CDH13: variants seen among roughly 807,000 people sequenced by gnomAD.
The protein encoded by CDH13 is cadherin-13.
CDH13 carries 24 observed loss-of-function variants against 63.8 expected under a neutral mutation model. The ratio of observed to expected loss-of-function variants is 0.38; its 90% CI spans 0.27 to 0.53. The LOEUF (loss-of-function observed/expected upper bound fraction) is 0.53. CDH13 is among the 20% of genes least tolerant of loss of function. CDH13 has a pLI of 0.85. For synonymous variants in CDH13, 503 were observed against 355.3 expected (o/e 1.42, Z -4.67); for missense variants, 1,049 against 903.1 (o/e 1.16, Z -2.07).
chr16:83,553,015 G>A (rs942059134), intron 7 of CDH13, among the ~76,000 whole-genome samples: 2 of 151,560 alleles, frequency 1.3e-5, no homozygotes, highest in Non-Finnish European at 2.9e-5. Flanking sequence ...GGAGGCAGAG[G>A]TTGCAGTGAG....
chr16:83,768,591 A>G (rs1046327714), intron 11 of CDH13, among the ~76,000 whole-genome samples: 4 of 152,208 alleles, frequency 2.6e-5, no homozygotes, highest in African/African-American at 9.6e-5. Context: ...AAGTAAAGGA[A>G]TAAAAGAATG....
rs529045766 is a variant in CDH13, at chr16:83,597,607, G to A, written c.961-4847G>A. On this transcript the variant is annotated intron_variant, in intron 7 of 13. Transcript: ENST00000567109. Reference sequence around the variant, plus strand: ...TATTTTTATGTTGCTTACAATAATTGGATATTACTTCAGTACTAAAAATAT... The same window carrying A: ...TATTTTTATGTTGCTTACAATAATTAGATATTACTTCAGTACTAAAAATAT... 9.3e-4 allele frequency among the ~76,000 whole-genome samples: 142 copies of A among 152,192 alleles called. 1 individual carries two copies. The highest frequency in any genetic ancestry group is 1.7e-3 in the Non-Finnish European group (113 of 67,998).
At chr16:82,937,327 G>A (rs1184527653) in intron 2 of CDH13, among the ~76,000 whole-genome samples, 3 of 151,886 alleles carry the variant, frequency 2.0e-5, no homozygotes, top group Non-Finnish European at 4.4e-5. Context: ...CTTTTCATTG[G>A]AGGTTGGGCG....
chr16:82,703,449 T>G (rs1378657441), intron 1 of CDH13, among the ~76,000 whole-genome samples: 1 of 152,128 alleles, frequency 6.6e-6, no homozygotes, highest in East Asian at 1.9e-4. Flanking sequence ...TGAATACAGA[T>G]GGAGGATAAA....
At chr16:83,225,439 G>A (rs2039811606) in intron 5 of CDH13, among the ~76,000 whole-genome samples, 1 of 152,154 alleles carries the variant, frequency 6.6e-6, no homozygotes, top group Admixed American at 6.5e-5. Flanking sequence ...AGGCTTCCTT[G>A]CTGCATCCTG....
intron 2 of CDH13, among the ~76,000 whole-genome samples, chr16:82,919,496 T>C (rs1408060385): frequency 6.6e-6 from 1 of 152,236 alleles, no homozygotes; most frequent in South Asian, 2.1e-4. Context: ...TTGCTAAGGA[T>C]GATGGCCTCC....
intron 3 of CDH13, among the ~76,000 whole-genome samples, chr16:83,040,717 C>T (rs1238428326): frequency 6.6e-6 from 1 of 152,154 alleles, no homozygotes; most frequent in Non-Finnish European, 1.5e-5. Flanking sequence ...CACCGGGGAA[C>T]AATATTTTGC....
At chr16:83,628,505 T>C (rs1014667688) in intron 8 of CDH13, among the ~76,000 whole-genome samples, 10 of 152,198 alleles carry the variant, frequency 6.6e-5, no homozygotes, top group African/African-American at 2.4e-4. Flanking sequence ...TCTTGAGATA[T>C]CAAGATTCCT....
intron 5 of CDH13, among the ~76,000 whole-genome samples, chr16:83,331,110 A>G (rs945392596): frequency 2.0e-5 from 3 of 152,180 alleles, no homozygotes; most frequent in African/African-American, 7.2e-5. Flanking sequence ...ACCTTAAACA[A>G]TCACACAGCT....
intron 2 of CDH13, among the ~76,000 whole-genome samples, chr16:83,031,241 A>G (rs929560994): frequency 2.1e-5 from 3 of 146,312 alleles, no homozygotes; most frequent in African/African-American, 7.5e-5. Context: ...TACACCATAT[A>G]CATGCGCATG....
intron 2 of CDH13, among the ~76,000 whole-genome samples, chr16:82,951,930 G>C (rs900807787): frequency 2.6e-5 from 4 of 152,154 alleles, no homozygotes; most frequent in Admixed American, 1.3e-4. Context: ...GTGTGTGTTT[G>C]TCATTTTTCT....
At chr16:83,261,819 C>A (rs184270247) in intron 5 of CDH13, among the ~76,000 whole-genome samples, 5 of 152,034 alleles carry the variant, frequency 3.3e-5, no homozygotes, top group Admixed American at 3.3e-4. Flanking sequence ...TGCCTTCTTG[C>A]TGTACCTCTC....
intron 2 of CDH13, among the ~76,000 whole-genome samples, chr16:82,887,777 G>A (rs754778901): frequency 1.4e-4 from 21 of 152,006 alleles, no homozygotes; most frequent in Non-Finnish European, 2.4e-4. Flanking sequence ...ATCTGAGCTC[G>A]CACCACTGCA....
At chr16:82,836,215 C>G (rs990838329) in intron 1 of CDH13, among the ~76,000 whole-genome samples, 1 of 152,124 alleles carries the variant, frequency 6.6e-6, no homozygotes, top group Non-Finnish European at 1.5e-5. Context: ...GTGGCGCGAT[C>G]TCGGCTCACT....
At chr16:83,144,541 C>T (rs1008267972) in intron 4 of CDH13, among the ~76,000 whole-genome samples, 2 of 152,138 alleles carry the variant, frequency 1.3e-5, no homozygotes, top group Non-Finnish European at 2.9e-5. Context: ...ACGTTCAGGG[C>T]CTGGAACATA....
chr16:83,628,731 C>T (rs184375253), intron 8 of CDH13, among the ~76,000 whole-genome samples: 250 of 152,246 alleles, frequency 1.6e-3, no homozygotes, highest in Non-Finnish European at 1.7e-3. Context: ...TAGCTGGGCC[C>T]GTGTTATTCA....
intron 1 of CDH13, among the ~76,000 whole-genome samples, chr16:82,685,948 T>C (rs1915025872): frequency 6.6e-6 from 1 of 152,148 alleles, no homozygotes; most frequent in East Asian, 1.9e-4. Context: ...CCTCTAGTGG[T>C]TAAATCATGA....
chr16:83,410,223 C>T (rs898467312), intron 6 of CDH13, among the ~76,000 whole-genome samples: 1 of 152,168 alleles, frequency 6.6e-6, no homozygotes, highest in Non-Finnish European at 1.5e-5. Context: ...TCATGGGTCT[C>T]TAAATAGACA....
Position 83,032,250 on chromosome 16 carries a change from A to C in CDH13, c.366+32A>C, listed in dbSNP as rs770465360. ...CATCTGTTTGAGATAACTTGGGTTCAAGGAGGACATTAGGTTCTGTCTGTC... is the reference window on the plus strand; with the variant it reads ...CATCTGTTTGAGATAACTTGGGTTCCAGGAGGACATTAGGTTCTGTCTGTC... On this transcript the variant is annotated intron_variant, in intron 3 of 13. Coordinates refer to ENST00000567109, the MANE Select transcript of CDH13 (RefSeq NM_001257.5). 7.1e-6 allele frequency: 11 copies of C among 1,559,818 alleles called. No individual in the cohort carries two copies. In the East Asian group the frequency reaches 2.5e-4, roughly 35 times the overall value.
Sources: allele counts gnomAD v4.1 joint callset (sites outside exome capture counted in the v4.1 genomes callset), GRCh38; gene constraint gnomAD v4.1.1; transcripts MANE v1.5; gene names NCBI Gene and HGNC (gene_info 2026-07-23, HGNC 2026-07-21).